LRMDA: variants seen among roughly 807,000 people sequenced by gnomAD.
The protein encoded by LRMDA is leucine rich melanocyte differentiation associated.
In LRMDA, 18 loss-of-function variants were observed where a neutral mutation model predicts 29.8. The observed-to-expected ratio is 0.60, with a 90% CI of 0.42 to 0.90. The LOEUF (loss-of-function observed/expected upper bound fraction) is 0.90, where lower values mean the gene tolerates loss of function less well. Ranked by LOEUF, LRMDA falls within the 40% of genes least tolerant of loss-of-function variation. LRMDA has a pLI of 0.00. For synonymous variants in LRMDA, 125 were observed against 109.4 expected, an observed-to-expected ratio of 1.14 and a Z score of -0.89; for missense variants, 273 against 273.9, an observed-to-expected ratio of 1.00 and a Z score of 0.02.
At chr10:75,558,525 AT>A (rs1007557481) in intron 2 of LRMDA, among the ~76,000 whole-genome samples, 10 of 151,560 alleles carry the variant, frequency 6.6e-5, no homozygotes, top group African/African-American at 2.2e-4. Context: ...TTGTATTTTT[AT>A]TTTTTTGTTT....
intron 5 of LRMDA, among the ~76,000 whole-genome samples, chr10:76,071,366 A>G (rs977861960): frequency 6.6e-6 from 1 of 152,226 alleles, no homozygotes; most frequent in Non-Finnish European, 1.5e-5. Flanking sequence ...AAATCTGTTC[A>G]GTTTAATGCT....
chr10:76,293,300 A>G (rs888084508), intron 5 of LRMDA, among the ~76,000 whole-genome samples: 2 of 152,162 alleles, frequency 1.3e-5, no homozygotes, highest in African/African-American at 4.8e-5. Flanking sequence ...TGCCTTAATC[A>G]TTGTATATCT....
At chr10:75,691,981 C>A (rs1005531774) in intron 2 of LRMDA, among the ~76,000 whole-genome samples, 4 of 151,788 alleles carry the variant, frequency 2.6e-5, no homozygotes, top group African/African-American at 7.3e-5. Flanking sequence ...GGCAGGAAGA[C>A]CATTTGAGGC....
At chr10:76,202,827 G>A (rs1477155675) in intron 5 of LRMDA, among the ~76,000 whole-genome samples, 1 of 151,988 alleles carries the variant, frequency 6.6e-6, no homozygotes, top group Non-Finnish European at 1.5e-5. Flanking sequence ...TCACATTGCT[G>A]AGACACATGT....
intron 2 of LRMDA, among the ~76,000 whole-genome samples, chr10:75,811,382 C>T (rs1427120128): frequency 6.6e-6 from 1 of 152,122 alleles, no homozygotes; most frequent in Non-Finnish European, 1.5e-5. Flanking sequence ...GGCTCCTCCT[C>T]TAGTATTCTT....
At chr10:75,710,336 T>C (rs981060110) in intron 2 of LRMDA, among the ~76,000 whole-genome samples, 3 of 152,182 alleles carry the variant, frequency 2.0e-5, no homozygotes, top group Admixed American at 2.0e-4. Flanking sequence ...AGACTGTTAT[T>C]TATGGGTTTT....
chr10:76,531,200 C>T (rs1374594160), intron 6 of LRMDA, among the ~76,000 whole-genome samples: 7 of 152,090 alleles, frequency 4.6e-5, no homozygotes, highest in African/African-American at 1.7e-4. Flanking sequence ...GAGAGACCAG[C>T]CCCTGTGCTG....
intron 2 of LRMDA, among the ~76,000 whole-genome samples, chr10:75,756,233 G>A (rs1197079365): frequency 6.6e-6 from 1 of 152,192 alleles, no homozygotes; most frequent in African/African-American, 2.4e-5. Context: ...CTAGGAGCTA[G>A]GTGTAGCCAC....
At chr10:76,264,919 G>A (rs1839988292) in intron 5 of LRMDA, among the ~76,000 whole-genome samples, 1 of 152,168 alleles carries the variant, frequency 6.6e-6, no homozygotes, top group Non-Finnish European at 1.5e-5. Context: ...ACCTTTCACT[G>A]AGGTATCACA....
In LRMDA at chr10:75,951,438, A is replaced by G. The variant is rs150715967; in HGVS notation, c.132-84570A>G. ...CTGTGGCAGGAGGAGAAACAGCCCA[A>G]GCAGCTCCTCAGAGGAGGCAGGCCA... is the stretch of plus-strand genomic sequence containing the variant. On this transcript the variant is annotated intron_variant, in intron 2 of 6. Coordinates refer to ENST00000611255, the MANE Select transcript of LRMDA (RefSeq NM_001305581.2). 8.0e-3 allele frequency among the ~76,000 whole-genome samples: 1,222 copies of G among 152,294 alleles called. 42 individuals carry two copies. The highest frequency in any genetic ancestry group is 0.061 in the Admixed American group (940 of 15,286).
intron 5 of LRMDA, among the ~76,000 whole-genome samples, chr10:76,098,937 T>G (rs543686403): frequency 6.6e-6 from 1 of 152,178 alleles, no homozygotes; most frequent in Non-Finnish European, 1.5e-5. Flanking sequence ...AGTTCCTGGG[T>G]GAGGGCTACC....
At chr10:75,803,349 GATGA>G (rs1401099202) in intron 2 of LRMDA, among the ~76,000 whole-genome samples, 1 of 152,214 alleles carries the variant, frequency 6.6e-6, no homozygotes, top group Non-Finnish European at 1.5e-5. Flanking sequence ...CTCATGATCA[GATGA>G]GGAAGCACAT....
At position 75,900,453 on chromosome 10, in the gene LRMDA, C is replaced by A. The variant is rs527368815; in HGVS notation, c.132-135555C>A. 2.6e-5 allele frequency among the ~76,000 whole-genome samples: 4 copies of A among 152,282 alleles called. No homozygotes were observed. In the South Asian group the frequency reaches 8.3e-4, roughly 32 times the overall value. On this transcript the variant is annotated intron_variant, in intron 2 of 6. Coordinates refer to ENST00000611255, the MANE Select transcript of LRMDA (RefSeq NM_001305581.2). ...TGGTTCCCGGTTCCCCTAAGTACTT[C>A]TTGAGGATCAAAATAGCCTCTTTAA...
At position 76,345,532 on chromosome 10, in the gene LRMDA, T is replaced by A. The variant is rs1250610228; in HGVS notation, c.601+21047T>A. On this transcript the variant is annotated intron_variant, in intron 6 of 6. Coordinates refer to ENST00000611255, the MANE Select transcript of LRMDA (RefSeq NM_001305581.2). ...GGGAATAAAACAAGGTGTAGAATAG[T>A]ATGTATATTATACTGCTACTTATGC... 6.6e-5 allele frequency among the ~76,000 whole-genome samples: 10 copies of A among 150,450 alleles called. No individual in the cohort carries two copies. In the East Asian group the frequency reaches 1.7e-3, roughly 26 times the overall value.
At chr10:75,842,102 T>G (rs1236070745) in intron 2 of LRMDA, among the ~76,000 whole-genome samples, 1 of 152,234 alleles carries the variant, frequency 6.6e-6, no homozygotes, top group Non-Finnish European at 1.5e-5. Flanking sequence ...TTACTCTAAG[T>G]CGGGGTTGGC....
chr10:75,804,864 G>T (rs1257350104), intron 2 of LRMDA, among the ~76,000 whole-genome samples: 1 of 152,202 alleles, frequency 6.6e-6, no homozygotes, highest in Non-Finnish European at 1.5e-5. Flanking sequence ...TGCATGAGAG[G>T]AGTGGTCCCT....
chr10:76,545,466 G>C (rs1843408795), intron 6 of LRMDA, among the ~76,000 whole-genome samples: 1 of 151,674 alleles, frequency 6.6e-6, no homozygotes, highest in Non-Finnish European at 1.5e-5. Flanking sequence ...AAGTCTTTCT[G>C]TGAAATTTTT....
intron 2 of LRMDA, among the ~76,000 whole-genome samples, chr10:75,952,633 A>G (rs1319506473): frequency 1.3e-5 from 2 of 152,212 alleles, no homozygotes; most frequent in Admixed American, 1.3e-4. Context: ...ATAGCAATTA[A>G]ATTAGAAGAT....
rs537016288 is a variant in LRMDA at position 76,146,581 on chromosome 10, G to A, written c.516+87798G>A. Among the ~76,000 whole-genome samples the A allele has an allele frequency of 2.0e-5, 3 of 152,216 alleles. No individual in the cohort carries two copies. The South Asian group carries it at 6.2e-4, about 32-fold the overall frequency. On this transcript the variant is annotated intron_variant, in intron 5 of 6. Coordinates refer to ENST00000611255, the MANE Select transcript of LRMDA (RefSeq NM_001305581.2). Reference sequence around the variant, plus strand: ...CCATCCCTTTATTTTGAGCCTATATGTCTCTGCACGTGAGATGGGTTTCCT... The same window carrying A: ...CCATCCCTTTATTTTGAGCCTATATATCTCTGCACGTGAGATGGGTTTCCT...
Sources: allele counts gnomAD v4.1 joint callset (sites outside exome capture counted in the v4.1 genomes callset), GRCh38; gene constraint gnomAD v4.1.1; transcripts MANE v1.5; gene names NCBI Gene and HGNC (gene_info 2026-07-23, HGNC 2026-07-21).